Variants in MRPS24 observed in about 807,000 individuals in gnomAD.
MRPS24 encodes the protein mitochondrial ribosomal protein S24.
MRPS24 carries 15 observed loss-of-function variants against 21.8 expected under a neutral mutation model. The ratio of observed to expected loss-of-function variants is 0.69; its 90% CI spans 0.46 to 1.06. The LOEUF (loss-of-function observed/expected upper bound fraction) is 1.06, where lower values mean the gene tolerates loss of function less well. Among genes scored for constraint, MRPS24 ranks in the 50% least tolerant of loss-of-function variants. The pLI, the probability that MRPS24 is intolerant of heterozygous loss-of-function variation, is 0.00. For synonymous variants in MRPS24, 93 were observed against 93.7 expected (o/e 0.99, Z 0.04); for missense variants, 224 against 219.1 (o/e 1.02, Z -0.14).
At chr7:43,868,759 G>A in intron 3 of MRPS24, 1 of 573,922 alleles carries the variant, frequency 1.7e-6, no homozygotes, top group South Asian at 2.9e-5. Flanking sequence ...CATGGAAAAA[G>A]TCAGTTTTGC....
Position 43,866,647 on chromosome 7 carries a change from C to G in MRPS24, c.*52G>C. ...ATTTCCCCCACATACCATTCCTTTC[C>G]CACGTTTCCATTCTCTGCAGGCTAC... On this transcript the variant is annotated 3_prime_UTR_variant, in exon 4 of 4. Transcript: ENST00000317534. 1.9e-6 allele frequency: 3 copies of G among 1,587,898 alleles called. No homozygotes were observed. The highest frequency in any genetic ancestry group is 2.6e-6 in the Non-Finnish European group (3 of 1,162,484).
At position 43,866,626 on chromosome 7, in the gene MRPS24, C is replaced by T. The variant is rs2095836507; in HGVS notation, c.*73G>A. The stretch of plus-strand genomic sequence containing the variant: ...CTCAGTCCTCTGAGGGGATGCATTT[C>T]CCCCACATACCATTCCTTTCCCACG... On this transcript the variant is annotated 3_prime_UTR_variant, in exon 4 of 4. Transcript: ENST00000317534. The T allele has an allele frequency of 3.9e-6, 6 of 1,528,796 alleles. No homozygotes were observed. The highest frequency in any genetic ancestry group is 5.4e-6 in the Non-Finnish European group (6 of 1,118,122). 94.7% of individuals were successfully genotyped at this position (1,528,796 alleles called of 1,614,324 possible). A position where few individuals can be genotyped will look rare whatever the true frequency, so the allele number is the denominator to read the frequency against.
In MRPS24 at chr7:43,869,062, G is replaced by C. The variant is rs17854882; in HGVS notation, c.121C>G (p.Arg41Gly). The C allele has an allele frequency of 7.4e-6, 12 of 1,612,412 alleles. No homozygotes were observed. Among genetic ancestry groups the C allele is most frequent in the Non-Finnish European group, 2.5e-6 (3 of 1,179,964 alleles). The part of the protein sequence containing the change: ...SPVCAKNRAA[R>G]VRVSKGDKPV... ...TTGTCCCCCTTGCTTACGCGTACTC[G>C]GGCCGCCCGGTTCTAGGAGCAAAAG... Residue 41 changes from arginine to glycine, a missense_variant, in exon 3 of 4, where the codon CGA becomes GGA. Arg to Gly is a moderately radical substitution (Grantham distance 125, BLOSUM62 -2). Transcript: ENST00000317534. This position sits in a 1 kb window ranked among gnomAD's most constrained non-coding sequence, Gnocchi z 4.8.
Position 43,869,336 on chromosome 7 carries a change from G to A in MRPS24, c.80C>T (p.Ala27Val). ...GGCGCAGACCGGGGAGGTGTGCAGG[G>A]CGCGCCAAGCGCAAGGCAGCTCTCG... is the stretch of plus-strand genomic sequence containing the variant. ...WSRELPCAWR[A>V]LHTSPVCAKN... is the part of the protein sequence containing the mutation. Residue 27 changes from alanine (A) to valine (V), a missense_variant, in exon 2 of 4, where the codon GCC (alanine) becomes GTC (valine). Coordinates refer to ENST00000317534, the MANE Select transcript of MRPS24 (RefSeq NM_032014.3). This position sits in a 1 kb window ranked among gnomAD's most constrained non-coding sequence, Gnocchi z 4.8. 6.5e-7 allele frequency: 1 copy of A among 1,547,936 alleles called. No homozygotes were observed. The highest frequency in any genetic ancestry group is 8.7e-7 in the Non-Finnish European group (1 of 1,146,648).
Position 43,866,927 on chromosome 7 carries a change from A to T in MRPS24, c.276T>A (p.Leu92=). The stretch of plus-strand genomic sequence containing the variant: ...GGAAGGTACCCCACATGAACTTGCG[A>T]AGGAAAACATCCTCCACCGTTCGCT... ...AAERTVEDVF[L]RKFMWGTFPG... The change falls in exon 4 of 4, where the codon CTT becomes CTA. Residue 92 remains leucine, a synonymous_variant. Coordinates refer to ENST00000317534, the MANE Select transcript of MRPS24 (RefSeq NM_032014.3). 6.2e-7 allele frequency: 1 copy of T among 1,614,198 alleles called. No homozygotes were observed. Among genetic ancestry groups the T allele is most frequent in the Non-Finnish European group, 8.5e-7 (1 of 1,180,034 alleles).
At position 43,869,193 on chromosome 7, in the gene MRPS24, C is replaced by A; in HGVS notation, c.108+115G>T. 3.4e-6 allele frequency: 5 copies of A among 1,474,782 alleles called. No homozygotes were observed. Among genetic ancestry groups the A allele is most frequent in the Admixed American group, 2.3e-5 (1 of 44,432 alleles). 91.4% of individuals were successfully genotyped at this position (1,474,782 alleles called of 1,614,324 possible). ...CCCCAATCCCCTGATCCCTAAGCCC[C>A]GACCCTAGCCCCGCCTCGGACCCCA... On this transcript the variant is annotated intron_variant, in intron 2 of 3. Coordinates refer to ENST00000317534, the MANE Select transcript of MRPS24 (RefSeq NM_032014.3). This position sits in a 1 kb window ranked among gnomAD's most constrained non-coding sequence, Gnocchi z 4.8.
At position 43,867,834 on chromosome 7, in the gene MRPS24, C is replaced by T. The variant is rs114468067; in HGVS notation, c.221-852G>A. On this transcript the variant is annotated intron_variant, in intron 3 of 3. Coordinates refer to ENST00000317534, the MANE Select transcript of MRPS24 (RefSeq NM_032014.3). ...GTGAGCCACCGTGCCAGGCAAGCATCTGTATTTTAAGTAAGTTCTCTAGAT... is the reference window on the plus strand; with the variant it reads ...GTGAGCCACCGTGCCAGGCAAGCATTTGTATTTTAAGTAAGTTCTCTAGAT... 4.9e-3 allele frequency: 753 copies of T among 152,236 alleles called. 4 individuals are homozygous for T. Among genetic ancestry groups the T allele is most frequent in the African/African-American group, 0.017 (717 of 41,520 alleles). 9.4% of individuals were successfully genotyped at this position (152,236 alleles called of 1,614,324 possible).
chr7:43,869,156 A>G lies in MRPS24; in HGVS notation c.109-82T>C. On this transcript the variant is annotated intron_variant, in intron 2 of 3. Transcript: ENST00000317534. This position sits in a 1 kb window ranked among gnomAD's most constrained non-coding sequence, Gnocchi z 4.8. ...CGCCATGTCCCCCCAGTCAGCTGGC[A>G]CTGTTCCCCGGCCCCAATCCCCTGA... The G allele has an allele frequency of 6.6e-7, 1 of 1,506,654 alleles. No homozygotes were observed. The highest frequency in any genetic ancestry group is 8.8e-7 in the Non-Finnish European group (1 of 1,130,082). 93.3% of individuals were successfully genotyped at this position (1,506,654 alleles called of 1,614,324 possible). A position where few individuals can be genotyped will look rare whatever the true frequency, so the allele number is the denominator to read the frequency against.
rs1173352195 is a variant in MRPS24, at chr7:43,869,105, G to A, written c.109-31C>T. Reference sequence around the variant, plus strand: ...AGCAAAAGGGGCCGTGACTCCACGAGATCCCCGATCCAGACCCCTACTTCG... The same window carrying A: ...AGCAAAAGGGGCCGTGACTCCACGAAATCCCCGATCCAGACCCCTACTTCG... On this transcript the variant is annotated intron_variant, in intron 2 of 3. Coordinates refer to ENST00000317534, the MANE Select transcript of MRPS24 (RefSeq NM_032014.3). The surrounding 1 kb of genome is among the most constrained non-coding windows in gnomAD (Gnocchi z 4.8). 2 of 1,601,078 alleles carry A rather than the reference G, an allele frequency of 1.2e-6. No homozygotes were observed. The highest frequency in any genetic ancestry group is 1.3e-5 in the African/African-American group (1 of 74,902).
chr7:43,869,278 C>A lies in MRPS24; in HGVS notation c.108+30G>T, dbSNP rs1170292873. ...GGCCCCCGGCCCCCCGGCCCCCAGG[C>A]CCCCAGGCCCCTGCCCCGGCGGTGC... is the stretch of plus-strand genomic sequence containing the variant. On this transcript the variant is annotated intron_variant, in intron 2 of 3. Transcript: ENST00000317534. The surrounding 1 kb of genome is among the most constrained non-coding windows in gnomAD (Gnocchi z 4.8). The A allele has an allele frequency of 6.6e-7, 1 of 1,511,734 alleles. No homozygotes were observed. Among genetic ancestry groups the A allele is most frequent in the Non-Finnish European group, 8.8e-7 (1 of 1,134,964 alleles). 93.6% of individuals were successfully genotyped at this position (1,511,734 alleles called of 1,614,324 possible).
Position 43,869,413 on chromosome 7 carries a change from C to A in MRPS24, c.40-37G>T, listed in dbSNP as rs1424346796. 2 of 1,551,598 alleles carry A rather than the reference C, an allele frequency of 1.3e-6. No homozygotes were observed. Among genetic ancestry groups the A allele is most frequent in the Non-Finnish European group, 1.7e-6 (2 of 1,147,954 alleles). The stretch of plus-strand genomic sequence containing the variant: ...GGGCGCGTGAGGCGGAAACTAGGGA[C>A]CCCACCTCCGACTCGCAGGGACCTG... On this transcript the variant is annotated intron_variant, in intron 1 of 3. Transcript: ENST00000317534. This position sits in a 1 kb window ranked among gnomAD's most constrained non-coding sequence, Gnocchi z 4.8.
At chr7:43,868,800 A>T in intron 3 of MRPS24, 163 bp downstream of exon 3, 7 of 868,252 alleles carry the variant, frequency 8.1e-6, no homozygotes, top group Non-Finnish European at 1.2e-5. Flanking sequence ...CAACATCCTG[A>T]TCTATATATA....
In MRPS24 at chr7:43,869,081, G is replaced by A; in HGVS notation, c.109-7C>T. The A allele has an allele frequency of 2.5e-6, 4 of 1,610,246 alleles. No individual in the cohort carries two copies. The highest frequency in any genetic ancestry group is 3.4e-6 in the Non-Finnish European group (4 of 1,179,608). ...GTACTCGGGCCGCCCGGTTCTAGGA[G>A]CAAAAGGGGCCGTGACTCCACGAGA... On this transcript the variant is annotated splice_region_variant and splice_polypyrimidine_tract_variant and intron_variant, in intron 2 of 3. Coordinates refer to ENST00000317534, the MANE Select transcript of MRPS24 (RefSeq NM_032014.3). This position sits in a 1 kb window ranked among gnomAD's most constrained non-coding sequence, Gnocchi z 4.8.
chr7:43,869,411 G>A lies in MRPS24; in HGVS notation c.40-35C>T, dbSNP rs1433813481. Reference sequence around the variant, plus strand: ...GAGGGCGCGTGAGGCGGAAACTAGGGACCCCACCTCCGACTCGCAGGGACC... The same window carrying A: ...GAGGGCGCGTGAGGCGGAAACTAGGAACCCCACCTCCGACTCGCAGGGACC... On this transcript the variant is annotated intron_variant, in intron 1 of 3. Transcript: ENST00000317534. The surrounding 1 kb of genome is among the most constrained non-coding windows in gnomAD (Gnocchi z 4.8). 7 of 1,551,164 alleles carry A rather than the reference G, an allele frequency of 4.5e-6. No individual in the cohort carries two copies. Among genetic ancestry groups the A allele is most frequent in the Non-Finnish European group, 6.1e-6 (7 of 1,147,764 alleles).
chr7:43,866,960 A>G lies in MRPS24; in HGVS notation c.243T>C (p.His81=), dbSNP rs1327626927. Residue 81 remains histidine, a synonymous_variant, in exon 4 of 4, where the codon CAT becomes CAC. Coordinates refer to ENST00000317534, the MANE Select transcript of MRPS24 (RefSeq NM_032014.3). ...CATCCTCCACCGTTCGCTCTGCGGC[A>G]TGGTCCTCTCCATCCAGGTTACCTG... ...LHTGNLDGED[H]AAERTVEDVF... 1 of 1,614,030 alleles carries G rather than the reference A, an allele frequency of 6.2e-7. No homozygotes were observed. Among genetic ancestry groups the G allele is most frequent in the African/African-American group, 1.3e-5 (1 of 74,928 alleles).
At position 43,869,418 on chromosome 7, in the gene MRPS24, C is replaced by T. The variant is rs2095839141; in HGVS notation, c.39+39G>A. 1 of 1,552,404 alleles carries T rather than the reference C, an allele frequency of 6.4e-7. No individual in the cohort carries two copies. The highest frequency in any genetic ancestry group is 8.7e-7 in the Non-Finnish European group (1 of 1,148,440). On this transcript the variant is annotated intron_variant, in intron 1 of 3. Coordinates refer to ENST00000317534, the MANE Select transcript of MRPS24 (RefSeq NM_032014.3). This position sits in a 1 kb window ranked among gnomAD's most constrained non-coding sequence, Gnocchi z 4.8. ...CGTGAGGCGGAAACTAGGGACCCCA[C>T]CTCCGACTCGCAGGGACCTGCCGAG...
Position 43,866,969 on chromosome 7 carries a change from T to A in MRPS24, c.234A>T (p.Gly78=), listed in dbSNP as rs376518650. 14 of 1,613,950 alleles carry A rather than the reference T, an allele frequency of 8.7e-6. No homozygotes were observed. Among genetic ancestry groups the A allele is most frequent in the Non-Finnish European group, 1.1e-5 (13 of 1,179,980 alleles). ...WLSLHTGNLD[G]EDHAAERTVE... is the part of the protein sequence containing the mutation. ...CCGTTCGCTCTGCGGCATGGTCCTC[T>A]CCATCCAGGTTACCTGAAGAGGGAA... The change falls in exon 4 of 4, where the codon GGA becomes GGT. Residue 78 remains glycine (G), a synonymous_variant. Coordinates refer to ENST00000317534, the MANE Select transcript of MRPS24 (RefSeq NM_032014.3).
Position 43,869,358 on chromosome 7 carries a change from C to G in MRPS24, c.58G>C (p.Glu20Gln). The change falls in exon 2 of 4, where the codon GAG (glutamate) becomes CAG (glutamine). Residue 20 changes from glutamate (E) to glutamine (Q), a missense_variant. Physicochemically the swap from Glu to Gln is conservative, Grantham distance 29. Transcript: ENST00000317534. The surrounding 1 kb of genome is among the most constrained non-coding windows in gnomAD (Gnocchi z 4.8). The stretch of plus-strand genomic sequence containing the variant: ...AGGGCGCGCCAAGCGCAAGGCAGCT[C>G]TCGGCTCCAGGACAGCACCTGTGGA... ...LGPRVLSWSR[E>Q]LPCAWRALHT... is the part of the protein sequence containing the mutation. The G allele has an allele frequency of 6.5e-7, 1 of 1,549,442 alleles. No individual in the cohort carries two copies.
rs137960449 is a variant in MRPS24 at position 43,866,746 on chromosome 7, G to A, written c.457C>T (p.Leu153Phe). ...LSYFYKCPVR[L>F]HLQTVPSKVV... ...TTTGAGGGCACAGTTTGGAGGTGGA[G>A]TCGCACAGGACATTTGTAAAAGTAG... Residue 153 changes from leucine to phenylalanine, a missense_variant, in exon 4 of 4, where the codon CTC (leucine) becomes TTC (phenylalanine). Coordinates refer to ENST00000317534, the MANE Select transcript of MRPS24 (RefSeq NM_032014.3). 4.4e-5 allele frequency: 71 copies of A among 1,614,216 alleles called. No individual in the cohort carries two copies. The African/African-American group carries it at 4.9e-4, about 11-fold the overall frequency.
Sources: allele counts gnomAD v4.1 joint callset, GRCh38; gene constraint gnomAD v4.1.1; non-coding constraint Gnocchi (gnomAD v3.1); transcripts MANE v1.5; gene names NCBI Gene and HGNC (gene_info 2026-07-23, HGNC 2026-07-21).